GRK5: variants seen among roughly 807,000 people sequenced by gnomAD.
GRK5 encodes the protein g protein-coupled receptor kinase GRK5.
GRK5 carries 40 observed loss-of-function variants against 78.4 expected under a neutral mutation model. The observed-to-expected ratio is 0.51, with a 90% CI of 0.40 to 0.66. The LOEUF is 0.66. GRK5 is among the 30% of genes least tolerant of loss of function. The pLI, the probability that GRK5 is intolerant of heterozygous loss-of-function variation, is 0.00. For missense variants in GRK5, 598 were observed against 759.9 expected (o/e 0.79, Z 2.50); for synonymous variants, 289 against 296.8 (o/e 0.97, Z 0.27).
In GRK5 at chr10:119,378,253, G is replaced by A. The variant is rs924695332; in HGVS notation, c.149-2562G>A. Reference sequence around the variant, plus strand: ...ACACTGAGGCTAAATGCTTGTTGGAGTGGCTATTTGTGAACCATCTGTGCT... The same window carrying A: ...ACACTGAGGCTAAATGCTTGTTGGAATGGCTATTTGTGAACCATCTGTGCT... On this transcript the variant is annotated intron_variant, in intron 2 of 15. Transcript: ENST00000392870. This position sits in a 1 kb window ranked among gnomAD's most constrained non-coding sequence, Gnocchi z 4.5. Among the ~76,000 whole-genome samples, 2 of 152,144 alleles carry A rather than the reference G, an allele frequency of 1.3e-5. No individual in the cohort carries two copies. Among genetic ancestry groups the A allele is most frequent in the Admixed American group, 6.5e-5 (1 of 15,284 alleles).
chr10:119,262,514 A>G (rs1385700578), intron 1 of GRK5, among the ~76,000 whole-genome samples: 1 of 151,288 alleles, frequency 6.6e-6, no homozygotes, highest in African/African-American at 2.4e-5. Context: ...AATTTTTTAA[A>G]AATATTTTTA....
intron 4 of GRK5, among the ~76,000 whole-genome samples, chr10:119,398,228 T>C (rs1436154795): frequency 6.6e-6 from 1 of 152,152 alleles, no homozygotes; most frequent in Non-Finnish European, 1.5e-5. Context: ...GGGCTCTGGC[T>C]AGATACATTT....
intron 4 of GRK5, among the ~76,000 whole-genome samples, chr10:119,400,406 T>C (rs1852129833): frequency 6.6e-6 from 1 of 152,134 alleles, no homozygotes; most frequent in Non-Finnish European, 1.5e-5. Flanking sequence ...TGGGGCTATC[T>C]GGAGATACTT....
chr10:119,226,007 C>G (rs1400521859), intron 1 of GRK5, among the ~76,000 whole-genome samples: 2 of 152,074 alleles, frequency 1.3e-5, no homozygotes, highest in Admixed American at 6.5e-5. Flanking sequence ...CGCCACCATG[C>G]CTTGCTAATT....
At chr10:119,277,034 G>A (rs1293870551) in intron 1 of GRK5, among the ~76,000 whole-genome samples, 3 of 152,132 alleles carry the variant, frequency 2.0e-5, no homozygotes, top group East Asian at 1.9e-4. Context: ...GGGAAAATCC[G>A]ATGCCTTGGC....
chr10:119,385,324 G>A (rs1365631989), intron 3 of GRK5, among the ~76,000 whole-genome samples: 1 of 152,118 alleles, frequency 6.6e-6, no homozygotes, highest in Non-Finnish European at 1.5e-5. Flanking sequence ...GAGTGCAGGG[G>A]TGGGTTCGTA....
In GRK5 at chr10:119,264,159, T is replaced by C. The variant is rs1251868317; in HGVS notation, c.52+56190T>C. On this transcript the variant is annotated intron_variant, in intron 1 of 15. Transcript: ENST00000392870. The surrounding 1 kb of genome is among the most constrained non-coding windows in gnomAD (Gnocchi z 4.1). Reference sequence around the variant, plus strand: ...CGTGCTTGCATGCCACCTTGAATGCTCTCCATTGACATTTGCAACTTGTTT... The same window carrying C: ...CGTGCTTGCATGCCACCTTGAATGCCCTCCATTGACATTTGCAACTTGTTT... Among the ~76,000 whole-genome samples, 1 of 152,128 alleles carries C rather than the reference T, an allele frequency of 6.6e-6. No homozygotes were observed.
chr10:119,451,826 G>A (rs547118902), intron 13 of GRK5, among the ~76,000 whole-genome samples: 115 of 152,338 alleles, frequency 7.5e-4, no homozygotes, highest in African/African-American at 2.3e-3. Context: ...ATGCTGAGCC[G>A]GTGCACTGAT....
intron 1 of GRK5, among the ~76,000 whole-genome samples, chr10:119,236,990 C>G (rs889935262): frequency 6.6e-6 from 1 of 151,928 alleles, no homozygotes; most frequent in African/African-American, 2.4e-5. Flanking sequence ...ATATCAAGTC[C>G]CCTTTACTCA....
rs375958071 is a variant in GRK5, at chr10:119,380,924, C to T, written c.258C>T (p.Ser86=). 70 of 1,595,754 alleles carry T rather than the reference C, an allele frequency of 4.4e-5. No homozygotes were observed. The highest frequency in any genetic ancestry group is 1.8e-4 in the East Asian group (8 of 44,602). Residue 86 remains serine (S), a synonymous_variant, in exon 3 of 16, where the codon TCC becomes TCT. Transcript: ENST00000392870. The part of the protein sequence containing the change: ...GLECYIQFLD[S]VAEYEVTPDE... Reference sequence around the variant, plus strand: ...AGTGTTACATTCAGTTCCTGGACTCCGTGGTAAGTTCCTGCTCCTGAGGGA... The same window carrying T: ...AGTGTTACATTCAGTTCCTGGACTCTGTGGTAAGTTCCTGCTCCTGAGGGA...
At chr10:119,241,817 A>AG (rs1186434852) in intron 1 of GRK5, among the ~76,000 whole-genome samples, 3 of 152,224 alleles carry the variant, frequency 2.0e-5, no homozygotes, top group African/African-American at 7.2e-5. Context: ...GATTAACAAG[A>AG]GAAAAAATGG....
chr10:119,299,798 G>A (rs1589730108), intron 1 of GRK5, among the ~76,000 whole-genome samples: 2 of 55,410 alleles, frequency 3.6e-5, no homozygotes, highest in East Asian at 0.011. Flanking sequence ...AAGCAGATGT[G>A]TGTGTGTGTG....
intron 4 of GRK5, among the ~76,000 whole-genome samples, chr10:119,404,688 C>T (rs1186532495): frequency 1.3e-5 from 2 of 152,210 alleles, no homozygotes; most frequent in East Asian, 1.9e-4. Flanking sequence ...CTTTGAAGAA[C>T]GAGAGCCCCA....
At position 119,290,368 on chromosome 10, in the gene GRK5, AAAC is replaced by A. The variant is rs1564878606; in HGVS notation, c.53-36144_53-36142del. 2.4e-4 allele frequency among the ~76,000 whole-genome samples: 25 copies of A among 105,070 alleles called. 1 individual carries two copies. Among genetic ancestry groups the A allele is most frequent in the African/African-American group, 5.7e-4 (20 of 35,028 alleles). 68.9% of individuals were successfully genotyped at this position (105,070 alleles called of 152,430 possible). Reference sequence around the variant, plus strand: ...TCTCAAAAAAAAAAAAAAAAACAAAAAACAACTCTGTCCCCTTCTCCCTGTGGC... The same window carrying A: ...TCTCAAAAAAAAAAAAAAAAACAAAAAACTCTGTCCCCTTCTCCCTGTGGC... On this transcript the variant is annotated intron_variant, in intron 1 of 15. Coordinates refer to ENST00000392870, the MANE Select transcript of GRK5 (RefSeq NM_005308.3).
intron 1 of GRK5, among the ~76,000 whole-genome samples, chr10:119,277,591 G>A (rs1849690451): frequency 6.6e-6 from 1 of 152,154 alleles, no homozygotes; most frequent in South Asian, 2.1e-4. Flanking sequence ...CAGACAGTAA[G>A]CCACACATAT....
chr10:119,403,386 C>T lies in GRK5; in HGVS notation c.339+6614C>T, dbSNP rs183229794. Among the ~76,000 whole-genome samples the T allele has an allele frequency of 5.2e-3, 787 of 152,226 alleles. 6 individuals are homozygous for T. The highest frequency in any genetic ancestry group is 0.018 in the African/African-American group (750 of 41,540). On this transcript the variant is annotated intron_variant, in intron 4 of 15. Coordinates refer to ENST00000392870, the MANE Select transcript of GRK5 (RefSeq NM_005308.3). ...TTCACCGTGTTAGCCAGGATGGTCT[C>T]GATCTCCTGACCTCGTGATCCACCC...
intron 1 of GRK5, among the ~76,000 whole-genome samples, chr10:119,228,729 G>A (rs74977776): frequency 0.012 from 1,827 of 152,310 alleles, 33 homozygotes; most frequent in African/African-American, 0.041. Flanking sequence ...TACAACGAAT[G>A]TGCGTTACAC....
intron 1 of GRK5, among the ~76,000 whole-genome samples, chr10:119,216,823 G>A (rs965561990): frequency 3.9e-5 from 6 of 151,940 alleles, no homozygotes; most frequent in African/African-American, 1.5e-4. Flanking sequence ...GTGGTGGTGG[G>A]TGCCTATAAT....
intron 3 of GRK5, among the ~76,000 whole-genome samples, chr10:119,386,734 G>A (rs151334625): frequency 6.6e-6 from 1 of 152,232 alleles, no homozygotes; most frequent in Non-Finnish European, 1.5e-5. Context: ...CCTCTTTTAC[G>A]CACGGAGACT....
Sources: gnomAD v4.1 joint callset for allele counts (sites outside exome capture counted in the v4.1 genomes callset) on GRCh38, gnomAD v4.1.1 for gene constraint, Gnocchi (gnomAD v3.1) non-coding constraint, MANE v1.5 for transcripts, NCBI Gene and HGNC (gene_info 2026-07-23, HGNC 2026-07-21) for gene names.